PLAU: variants seen among roughly 807,000 people sequenced by gnomAD.
The protein encoded by PLAU is plasminogen activator, urokinase.
Under a neutral mutation model 48.9 loss-of-function variants are expected in PLAU, and 32 were observed. That is an observed-to-expected ratio of 0.65 (90% CI 0.49 to 0.88). The LOEUF (loss-of-function observed/expected upper bound fraction) is 0.88, where lower values mean the gene tolerates loss of function less well. Ranked by LOEUF, PLAU falls within the 40% of genes least tolerant of loss-of-function variation. The pLI, the probability that PLAU is intolerant of heterozygous loss-of-function variation, is 0.00. For synonymous variants in PLAU, 199 were observed against 205.7 expected (o/e 0.97, Z 0.28); for missense variants, 455 against 545.2 (o/e 0.83, Z 1.65).
chr10:73,911,783 T>C (rs771007926), intron 2 of PLAU, 171 bp downstream of exon 2: 37 of 1,551,272 alleles, frequency 2.4e-5, no homozygotes, highest in South Asian at 1.2e-5. Flanking sequence ...ACCACGGGGG[T>C]TGGCACTGGC....
At chr10:73,909,889 C>G (rs372173038), upstream of PLAU, 1 of 150,658 alleles carries the variant, frequency 6.6e-6, no homozygotes, top group Non-Finnish European at 1.5e-5. Context: ...CCCAGAGATG[C>G]GTGTGTGTGT....
rs186728610 is a variant in PLAU, at chr10:73,916,308, C to G, written c.1120-81C>G. 7.6e-5 allele frequency: 97 copies of G among 1,276,852 alleles called. 1 individual carries two copies. In the African/African-American group the frequency reaches 1.1e-3, roughly 15 times the overall value. 79.1% of individuals were successfully genotyped at this position (1,276,852 alleles called of 1,614,324 possible). ...CTTTGACTGGGAAACTCTTCCCTCT[C>G]TCTGGTATGGTTGGGTGATGGGATC... On this transcript the variant is annotated intron_variant, in intron 10 of 10. Coordinates refer to ENST00000372764, the MANE Select transcript of PLAU (RefSeq NM_002658.6).
At chr10:73,911,283 C>T (rs926927244) in intron 1 of PLAU, 65 bp downstream of exon 1, 1 of 526,264 alleles carries the variant, frequency 1.9e-6, no homozygotes, top group Non-Finnish European at 3.3e-6. Context: ...CGAGCGTCTG[C>T]CTCCCCCGCC....
At chr10:73,916,330 G>C in intron 10 of PLAU, 59 bp from the exon 11 acceptor site, 8 of 1,465,734 alleles carry the variant, frequency 5.5e-6, no homozygotes, top group Non-Finnish European at 7.6e-6. Context: ...TGGGTGATGG[G>C]ATCAGAAATC....
At chr10:73,912,105 C>T in intron 3 of PLAU, 37 bp downstream of exon 3, 1 of 1,603,984 alleles carries the variant, frequency 6.2e-7, no homozygotes. Flanking sequence ...GCTGCACAGA[C>T]AAGTTGGGAA....
intron 6 of PLAU, 67 bp from the exon 7 acceptor site, chr10:73,913,472 G>GAGGT: frequency 6.4e-7 from 1 of 1,552,404 alleles, no homozygotes; most frequent in Non-Finnish European, 8.9e-7. Context: ...TGAGGAGGTG[G>GAGGT]GGGGTGCCCG....
rs1418592935 is a variant in PLAU, at chr10:73,911,182, C to G, written c.-68C>G. 7.0e-6 allele frequency: 2 copies of G among 285,758 alleles called. No homozygotes were observed. The highest frequency in any genetic ancestry group is 1.2e-4 in the Admixed American group (2 of 17,250). The allele number at this position is 285,758 out of a possible 1,614,324, so 17.7% of individuals were successfully genotyped here. ...GCCCGGGCCAGGGTCCACCTGTCCC[C>G]GCAGCGCCGGCTCGCGCCCTCCTGC... is the stretch of plus-strand genomic sequence containing the variant. On this transcript the variant is annotated 5_prime_UTR_variant, in exon 1 of 11. Coordinates refer to ENST00000372764, the MANE Select transcript of PLAU (RefSeq NM_002658.6).
intron 9 of PLAU, 120 bp downstream of exon 9, chr10:73,915,036 A>G (rs2096133538): frequency 8.5e-7 from 1 of 1,174,196 alleles, no homozygotes. Flanking sequence ...GCGGTGGCAG[A>G]TGGGTCCAGG....
Position 73,913,567 on chromosome 10 carries a change from A to G in PLAU, c.489A>G (p.Glu163=), listed in dbSNP as rs1337732786. The change falls in exon 7 of 11, where the codon GAA becomes GAG. Residue 163 remains glutamate (E), a synonymous_variant. Transcript: ENST00000372764. ...DGKKPSSPPE[E]LKFQCGQKTL... ...AAAAGCCCTCCTCTCCTCCAGAAGA[A>G]TTAAAATTTCAGTGTGGCCAAAAGA... is the stretch of plus-strand genomic sequence containing the variant. 1 of 1,613,620 alleles carries G rather than the reference A, an allele frequency of 6.2e-7. No individual in the cohort carries two copies. The highest frequency in any genetic ancestry group is 1.1e-5 in the South Asian group (1 of 91,054).
In PLAU at chr10:73,914,839, T is replaced by C; in HGVS notation, c.893T>C (p.Ile298Thr). The C allele has an allele frequency of 6.2e-7, 1 of 1,614,144 alleles. No homozygotes were observed. Among genetic ancestry groups the C allele is most frequent in the Non-Finnish European group, 8.5e-7 (1 of 1,179,966 alleles). ...CAGCCATCCCGGACTATACAGACCA[T>C]CTGCCTGCCCTCGATGTATAACGAT... The part of the protein sequence containing the change: ...CAQPSRTIQT[I>T]CLPSMYNDPQ... Residue 298 changes from isoleucine (I) to threonine (T), a missense_variant, in exon 9 of 11, where the codon ATC (isoleucine) becomes ACC (threonine). Ile to Thr is a moderately conservative substitution (Grantham distance 89). Coordinates refer to ENST00000372764, the MANE Select transcript of PLAU (RefSeq NM_002658.6).
At chr10:73,911,451 C>T in intron 1 of PLAU, 74 bp from the exon 2 acceptor site, 1 of 1,434,952 alleles carries the variant, frequency 7.0e-7, no homozygotes, top group Non-Finnish European at 9.5e-7. Context: ...GGCATCTCCC[C>T]TGCGCTGCAG....
chr10:73,912,958 C>T lies in PLAU; in HGVS notation c.228C>T (p.His76=), dbSNP rs754397889. Residue 76 remains histidine, a synonymous_variant, in exon 5 of 11, where the codon CAC becomes CAT. Transcript: ENST00000372764. ...KSKTCYEGNG[H]FYRGKASTDT... is the part of the protein sequence containing the mutation. Reference sequence around the variant, plus strand: ...AAACCTGCTATGAGGGGAATGGTCACTTTTACCGAGGAAAGGCCAGCACTG... The same window carrying T: ...AAACCTGCTATGAGGGGAATGGTCATTTTTACCGAGGAAAGGCCAGCACTG... The T allele has an allele frequency of 1.2e-6, 2 of 1,614,012 alleles. No homozygotes were observed. The highest frequency in any genetic ancestry group is 1.1e-5 in the South Asian group (1 of 91,064).
upstream of PLAU, among the ~76,000 whole-genome samples, chr10:73,908,894 G>T (rs2131709497): frequency 2.6e-5 from 4 of 151,652 alleles, no homozygotes; most frequent in African/African-American, 2.4e-5. Flanking sequence ...GGGCGTGGTG[G>T]CTCATGCCTG....
chr10:73,911,797 CAAGGGAGG>C (rs1199440096), intron 2 of PLAU, 185 bp downstream of exon 2: 4 of 1,551,616 alleles, frequency 2.6e-6, no homozygotes, highest in Non-Finnish European at 3.5e-6. Flanking sequence ...CACTGGCTGG[CAAGGGAGG>C]AAGAGGCCGC....
In PLAU at chr10:73,913,972, T is replaced by C. The variant is rs774142287; in HGVS notation, c.681-8T>C. 4 of 1,612,988 alleles carry C rather than the reference T, an allele frequency of 2.5e-6. No individual in the cohort carries two copies. The highest frequency in any genetic ancestry group is 2.7e-5 in the African/African-American group (2 of 74,898). ...ACTAAGCTGTTTGATGGGTATCTTC[T>C]CCCACAGTGATTACCCAAAGAAGGA... On this transcript the variant is annotated splice_region_variant and splice_polypyrimidine_tract_variant and intron_variant, in intron 7 of 10. Transcript: ENST00000372764.
At position 73,914,100 on chromosome 10, in the gene PLAU, T is replaced by A; in HGVS notation, c.801T>A (p.Ala267=). The change falls in exon 8 of 11, where the codon GCT becomes GCA. Residue 267 remains alanine (A), a synonymous_variant. Transcript: ENST00000372764. ...TCATCCTACACAAGGACTACAGCGC[T>A]GACACGCTTGCTCACCACAACGACA... The part of the protein sequence containing the change: ...ENLILHKDYS[A]DTLAHHNDIA... 6.2e-7 allele frequency: 1 copy of A among 1,614,192 alleles called. No homozygotes were observed. The highest frequency in any genetic ancestry group is 8.5e-7 in the Non-Finnish European group (1 of 1,180,030).
At position 73,913,682 on chromosome 10, in the gene PLAU, G is replaced by T. The variant is rs1200019190; in HGVS notation, c.604G>T (p.Gly202Trp). The change falls in exon 7 of 11, where the codon GGG (glycine) becomes TGG (tryptophan). Residue 202 changes from glycine to tryptophan, a missense_variant. Transcript: ENST00000372764. ...TGCGGCCATCTACAGGAGGCACCGG[G>T]GGGGCTCTGTCACCTACGTGTGTGG... Reference protein sequence around the residue: ...WFAAIYRRHRGGSVTYVCGGS... With the variant: ...WFAAIYRRHRWGSVTYVCGGS... 1.2e-6 allele frequency: 2 copies of T among 1,613,758 alleles called. No individual in the cohort carries two copies. Among genetic ancestry groups the T allele is most frequent in the Middle Eastern group, 1.7e-4 (1 of 6,058 alleles).
At position 73,913,767 on chromosome 10, in the gene PLAU, C is replaced by T. The variant is rs765421749; in HGVS notation, c.680+9C>T. The stretch of plus-strand genomic sequence containing the variant: ...GCCACACACTGCTTCATGTACGGCC[C>T]TGGGTTTCTCCTCTTCGACTCTTCT... On this transcript the variant is annotated intron_variant, in intron 7 of 10. Transcript: ENST00000372764. 5.1e-6 allele frequency: 8 copies of T among 1,573,072 alleles called. No homozygotes were observed. Among genetic ancestry groups the T allele is most frequent in the Non-Finnish European group, 6.9e-6 (8 of 1,158,230 alleles).
At chr10:73,915,953 G>A (rs2096135861) in intron 10 of PLAU, among the ~76,000 whole-genome samples, 1 of 152,052 alleles carries the variant, frequency 6.6e-6, no homozygotes, top group African/African-American at 2.4e-5. Context: ...TAGAAAATGG[G>A]GCTGCGTCAG....
Sources: gnomAD v4.1 joint callset for allele counts (sites outside exome capture counted in the v4.1 genomes callset) on GRCh38, gnomAD v4.1.1 for gene constraint, MANE v1.5 for transcripts, NCBI Gene and HGNC (gene_info 2026-07-23, HGNC 2026-07-21) for gene names.